MRM1: variants seen among roughly 807,000 people sequenced by gnomAD.
MRM1 encodes rRNA methyltransferase 1, mitochondrial.
In MRM1, 24 loss-of-function variants were observed where a neutral mutation model predicts 25.0. The observed-to-expected ratio is 0.96, with a 90% CI of 0.69 to 1.35. The LOEUF (loss-of-function observed/expected upper bound fraction) is 1.35, where lower values mean the gene tolerates loss of function less well. Among genes scored for constraint, MRM1 ranks in the 40% most tolerant of loss-of-function variants. The pLI is 0.00. For missense variants in MRM1, 431 were observed against 464.1 expected (o/e 0.93, Z 0.65); for synonymous variants, 188 against 199.2 (o/e 0.94, Z 0.47).
chr17:36,619,657 G>A, the MRM1 span, among the ~76,000 whole-genome samples: 2 of 150,712 alleles, frequency 1.3e-5, no homozygotes, highest in Non-Finnish European at 3.0e-5. Context: ...GACAGAGTGA[G>A]TCTCAAAAAG....
At chr17:36,609,336 GTC>G (rs1203298032), downstream of MRM1, among the ~76,000 whole-genome samples, 1 of 152,250 alleles carries the variant, frequency 6.6e-6, no homozygotes, top group Non-Finnish European at 1.5e-5. Flanking sequence ...ACACCAGAGA[GTC>G]TGACATGATG....
At chr17:36,616,493 A>G in the MRM1 span, among the ~76,000 whole-genome samples, 1 of 152,170 alleles carries the variant, frequency 6.6e-6, no homozygotes, top group South Asian at 2.1e-4. Flanking sequence ...TTGCATAGAT[A>G]CAGGTATTAG....
chr17:36,618,150 G>GT, the MRM1 span, among the ~76,000 whole-genome samples: 2 of 151,920 alleles, frequency 1.3e-5, no homozygotes, highest in Admixed American at 1.3e-4. Context: ...GGACCTGGGA[G>GT]TGTGAGTCCT....
chr17:36,634,622 C>CA, the MRM1 span: 1 of 152,210 alleles, frequency 6.6e-6, no homozygotes. Context: ...TTTGTTTGGT[C>CA]ACTCCCTCAT....
intron 2 of MRM1, 140 bp from the exon 3 acceptor site, chr17:36,607,530 G>T: frequency 1.0e-6 from 1 of 1,001,014 alleles, no homozygotes. Flanking sequence ...GGCTGAGGTG[G>T]GAGGATCACC....
the MRM1 span, among the ~76,000 whole-genome samples, chr17:36,627,573 G>A: frequency 1.2e-4 from 18 of 151,536 alleles, no homozygotes; most frequent in African/African-American, 3.9e-4. Flanking sequence ...TATTAATCGT[G>A]TCCCACCATT....
the MRM1 span, among the ~76,000 whole-genome samples, chr17:36,615,621 T>C: frequency 3.3e-5 from 5 of 150,390 alleles, no homozygotes; most frequent in East Asian, 9.8e-4. Context: ...ATCGCGCTAT[T>C]GCACTCCAGC....
chr17:36,630,684 C>T, the MRM1 span, among the ~76,000 whole-genome samples: 1 of 152,130 alleles, frequency 6.6e-6, no homozygotes, highest in South Asian at 2.1e-4. Flanking sequence ...ATTGCAGGGA[C>T]TGAGGGGGTC....
rs1490929240 is a variant in MRM1 at position 36,608,388 on chromosome 17, A to G, written c.1035A>G (p.Pro345=). The change falls in exon 5 of 5, where the codon CCA becomes CCG. Residue 345 remains proline, a synonymous_variant. Coordinates refer to ENST00000614766, the MANE Select transcript of MRM1 (RefSeq NM_024864.5). ...AGCACCCAGGGCTGTCTTCAGGCCC[A>G]GAGAAAGAGAGGCAAAATGAGGGCT... ...MAQHPGLSSG[P]EKERQNEG 1.3e-6 allele frequency: 2 copies of G among 1,581,774 alleles called. No homozygotes were observed. Among genetic ancestry groups the G allele is most frequent in the East Asian group, 2.3e-5 (1 of 44,314 alleles).
Position 36,608,257 on chromosome 17 carries a change from T to TC in MRM1, c.906dup (p.Ile303HisfsTer29). The TC allele has an allele frequency of 6.4e-7, 1 of 1,573,160 alleles. No homozygotes were observed. The highest frequency in any genetic ancestry group is 8.6e-7 in the Non-Finnish European group (1 of 1,161,612). On this transcript the variant is annotated frameshift_variant, in exon 5 of 5. Transcript: ENST00000614766. LOFTEE classifies it low-confidence loss of function (END_TRUNC). ...TGTCTGTGCAGGAATTCTTCTTCAC[T>TC]CCATTTGCAGCCAGAGGAAGGGTTT...
At chr17:36,628,045 C>T in the MRM1 span, among the ~76,000 whole-genome samples, 1 of 152,218 alleles carries the variant, frequency 6.6e-6, no homozygotes, top group South Asian at 2.1e-4. Context: ...TTTTGAGGGC[C>T]TACTGTGTTT....
In MRM1 at chr17:36,602,002, C is replaced by T. The variant is rs964713300; in HGVS notation, c.192C>T (p.Ala64=). ...GMTPCLLALQ[A]ARRSVARLLL... is the part of the protein sequence containing the mutation. The stretch of plus-strand genomic sequence containing the variant: ...CCCCGTGTCTCCTGGCTCTGCAGGC[C>T]GCCCGCCGCTCTGTGGCCCGGCTCC... Residue 64 remains alanine (A), a synonymous_variant, in exon 1 of 5, where the codon GCC becomes GCT. Transcript: ENST00000614766. This position sits in a 1 kb window ranked among gnomAD's most constrained non-coding sequence, Gnocchi z 4.1. 1 of 1,608,676 alleles carries T rather than the reference C, an allele frequency of 6.2e-7. No individual in the cohort carries two copies. The highest frequency in any genetic ancestry group is 8.5e-7 in the Non-Finnish European group (1 of 1,178,582).
At chr17:36,610,448 G>A (rs2074969865), downstream of MRM1, among the ~76,000 whole-genome samples, 1 of 152,018 alleles carries the variant, frequency 6.6e-6, no homozygotes, top group African/African-American at 2.4e-5. Context: ...TAGCCAGGAT[G>A]GTCTCGATCT....
the MRM1 span, among the ~76,000 whole-genome samples, chr17:36,620,935 G>A: frequency 1.3e-5 from 2 of 152,172 alleles, no homozygotes; most frequent in Non-Finnish European, 2.9e-5. Context: ...CAGGCAGAAC[G>A]GAAGAAACAG....
chr17:36,611,167 C>T (rs959886691), downstream of MRM1, among the ~76,000 whole-genome samples: 1 of 152,230 alleles, frequency 6.6e-6, no homozygotes. Context: ...GTTCAAGAAT[C>T]AGTGGCCTTT....
At chr17:36,624,527 G>C in the MRM1 span, among the ~76,000 whole-genome samples, 1 of 152,184 alleles carries the variant, frequency 6.6e-6, no homozygotes, top group African/African-American at 2.4e-5. The surrounding 1 kb of genome is among the most constrained non-coding windows in gnomAD (Gnocchi z 4.0). Flanking sequence ...CAGTACAACC[G>C]GGTCTCTCAA....
chr17:36,602,063 C>T lies in MRM1; in HGVS notation c.253C>T (p.Arg85Trp), dbSNP rs1213171072. The T allele has an allele frequency of 1.6e-5, 26 of 1,609,518 alleles. No individual in the cohort carries two copies. Among genetic ancestry groups the T allele is most frequent in the Non-Finnish European group, 2.1e-5 (25 of 1,179,028 alleles). ...GGGTAAAGCTGGGCTGCAGGGGAAGCGGGCCGAGCTGCTCCGGATGGCCGA... is the reference window on the plus strand; with the variant it reads ...GGGTAAAGCTGGGCTGCAGGGGAAGTGGGCCGAGCTGCTCCGGATGGCCGA... ...QAGKAGLQGK[R>W]AELLRMAEAR... The change falls in exon 1 of 5, where the codon CGG becomes TGG. Residue 85 changes from arginine to tryptophan, a missense_variant. Coordinates refer to ENST00000614766, the MANE Select transcript of MRM1 (RefSeq NM_024864.5). This position sits in a 1 kb window ranked among gnomAD's most constrained non-coding sequence, Gnocchi z 4.1.
rs999230434 is a variant in MRM1, at chr17:36,608,956, C to G, written c.*541C>G. The G allele has an allele frequency of 2.0e-5, 3 of 152,876 alleles. No homozygotes were observed. Among genetic ancestry groups the G allele is most frequent in the African/African-American group, 7.2e-5 (3 of 41,496 alleles). The allele number at this position is 152,876 out of a possible 1,614,324, so 9.5% of individuals were successfully genotyped here. A position where few individuals can be genotyped will look rare whatever the true frequency, so the allele number is the denominator to read the frequency against. ...TTGTTGTGAGGCTCAAATAAAACAT[C>G]ACTCAGCACGTGGGAGATTCTGGCC... On this transcript the variant is annotated 3_prime_UTR_variant, in exon 5 of 5. Coordinates refer to ENST00000614766, the MANE Select transcript of MRM1 (RefSeq NM_024864.5).
At chr17:36,629,906 A>T in the MRM1 span, among the ~76,000 whole-genome samples, 1 of 152,172 alleles carries the variant, frequency 6.6e-6, no homozygotes, top group Admixed American at 6.5e-5. Flanking sequence ...GGTAAGAGGC[A>T]TGGGGGCTTG....
Sources: allele counts gnomAD v4.1 joint callset (sites outside exome capture counted in the v4.1 genomes callset), GRCh38; gene constraint gnomAD v4.1.1; non-coding constraint Gnocchi (gnomAD v3.1); transcripts MANE v1.5; gene names NCBI Gene and HGNC (gene_info 2026-07-23, HGNC 2026-07-21).